ULK4: variants seen among roughly 807,000 people sequenced by gnomAD.
The protein encoded by ULK4 is unc-51 like kinase 4, also known as inactive serine/threonine-protein kinase ULK4.
A neutral mutation model predicts 160.6 loss-of-function variants in ULK4; 133 were observed. The ratio of observed to expected loss-of-function variants is 0.83; its 90% CI spans 0.72 to 0.96. The LOEUF is 0.96. ULK4 is among the 40% of genes least tolerant of loss of function. The pLI is 0.00. For missense variants in ULK4, 1,580 were observed against 1,499.5 expected, an observed-to-expected ratio of 1.05 and a Z score of -0.89; for synonymous variants, 534 against 539.8, an observed-to-expected ratio of 0.99 and a Z score of 0.15.
chr3:41,284,361 T>A (rs2079419767), intron 35 of ULK4, among the ~76,000 whole-genome samples: 1 of 152,064 alleles, frequency 6.6e-6, no homozygotes, highest in Non-Finnish European at 1.5e-5. Flanking sequence ...AAGGCCATAG[T>A]CACCAAAACA....
At chr3:41,561,771 G>C (rs1456657031) in intron 32 of ULK4, among the ~76,000 whole-genome samples, 2 of 151,886 alleles carry the variant, frequency 1.3e-5, no homozygotes, top group Non-Finnish European at 2.9e-5. Context: ...TATTACTCTT[G>C]CTAGTGGTCT....
chr3:41,713,022 T>C (rs6807015), intron 25 of ULK4, among the ~76,000 whole-genome samples: 39,602 of 151,804 alleles, frequency 0.26, 6,569 homozygotes, highest in African/African-American at 0.47. Context: ...TTCACATAAT[T>C]GTTCTGTGGA....
At chr3:41,455,739 C>T in intron 33 of ULK4, 144 bp from the exon 34 acceptor site, 1 of 659,240 alleles carries the variant, frequency 1.5e-6, no homozygotes, top group Non-Finnish European at 2.6e-6. Context: ...GATGGAGGCC[C>T]CAGAAGAGAT....
At chr3:41,336,849 A>G (rs536777109) in intron 35 of ULK4, among the ~76,000 whole-genome samples, 3 of 152,310 alleles carry the variant, frequency 2.0e-5, no homozygotes, top group African/African-American at 7.2e-5. Context: ...GTGTGATTAC[A>G]GCTCATTGTC....
At chr3:41,795,426 C>T (rs570138605) in intron 20 of ULK4, among the ~76,000 whole-genome samples, 17 of 152,054 alleles carry the variant, frequency 1.1e-4, no homozygotes, top group Admixed American at 3.9e-4. Flanking sequence ...TCTACTCACA[C>T]GTAGGGCAGG....
At chr3:41,357,263 T>G (rs2081047873) in intron 35 of ULK4, among the ~76,000 whole-genome samples, 1 of 152,180 alleles carries the variant, frequency 6.6e-6, no homozygotes, top group South Asian at 2.1e-4. Flanking sequence ...GTCCCAGGTT[T>G]CCCAGTGTAG....
chr3:41,372,810 T>C (rs1482206247), intron 35 of ULK4, among the ~76,000 whole-genome samples: 1 of 152,182 alleles, frequency 6.6e-6, no homozygotes, highest in Non-Finnish European at 1.5e-5. Context: ...TAAATGTAAA[T>C]GGGCTAAATG....
chr3:41,405,788 C>T (rs1466582769), intron 34 of ULK4, among the ~76,000 whole-genome samples: 4 of 151,768 alleles, frequency 2.6e-5, no homozygotes, highest in Admixed American at 6.6e-5. Flanking sequence ...AATGTCTGTT[C>T]AAGTCTTCTG....
chr3:41,423,429 G>C (rs564525651), intron 34 of ULK4, among the ~76,000 whole-genome samples: 4 of 152,224 alleles, frequency 2.6e-5, no homozygotes, highest in Non-Finnish European at 5.9e-5. Flanking sequence ...TCCAAGACTT[G>C]CTACAATCAA....
chr3:41,281,753 C>T (rs2125695201), intron 35 of ULK4, among the ~76,000 whole-genome samples: 1 of 152,300 alleles, frequency 6.6e-6, no homozygotes, highest in African/African-American at 2.4e-5. Context: ...AACAAGGATG[C>T]CCTCTCTCAC....
At chr3:41,585,956 A>G (rs1433679051) in intron 31 of ULK4, among the ~76,000 whole-genome samples, 1 of 151,060 alleles carries the variant, frequency 6.6e-6, no homozygotes, top group African/African-American at 2.4e-5. Flanking sequence ...AACCGCAATG[A>G]TATATCAGCT....
intron 4 of ULK4, among the ~76,000 whole-genome samples, chr3:41,934,040 AAAAAAT>A (rs1310615232): frequency 1.3e-5 from 2 of 151,996 alleles, no homozygotes; most frequent in Admixed American, 6.5e-5. Context: ...TGTGTCTCAA[AAAAAAT>A]AATAATAAAA....
chr3:41,491,600 C>T (rs2084767155), intron 32 of ULK4, among the ~76,000 whole-genome samples: 1 of 151,990 alleles, frequency 6.6e-6, no homozygotes, highest in Non-Finnish European at 1.5e-5. Context: ...AAAATAAATC[C>T]TACTCCCACA....
chr3:41,309,890 CT>C (rs1280140126), intron 35 of ULK4, among the ~76,000 whole-genome samples: 1 of 137,058 alleles, frequency 7.3e-6, no homozygotes, highest in Non-Finnish European at 1.5e-5. Flanking sequence ...TAACCAATGC[CT>C]TTTAGGGAAA....
intron 12 of ULK4, among the ~76,000 whole-genome samples, chr3:41,901,273 G>A (rs1226636501): frequency 4.8e-5 from 7 of 147,228 alleles, no homozygotes; most frequent in African/African-American, 5.0e-5. Context: ...TCTGCCTCCC[G>A]GGTTCACGCC....
At chr3:41,951,144 C>CAAAAA (rs34524276) in intron 2 of ULK4, among the ~76,000 whole-genome samples, 8 of 64,636 alleles carry the variant, frequency 1.2e-4, no homozygotes, top group South Asian at 9.4e-4. Flanking sequence ...GGCTTCGTCT[C>CAAAAA]AAAAAAAAAA....
intron 35 of ULK4, among the ~76,000 whole-genome samples, chr3:41,362,929 T>C (rs373977212): frequency 1.3e-5 from 2 of 152,242 alleles, no homozygotes; most frequent in Admixed American, 6.5e-5. Flanking sequence ...CTGGCTGCAC[T>C]GTTCCTGGAA....
intron 2 of ULK4, among the ~76,000 whole-genome samples, chr3:41,943,722 G>A (rs1700032639): frequency 6.6e-6 from 1 of 151,994 alleles, no homozygotes; most frequent in Non-Finnish European, 1.5e-5. Flanking sequence ...CTTGCATCTT[G>A]TACCATACCC....
intron 30 of ULK4, among the ~76,000 whole-genome samples, chr3:41,633,071 T>C (rs1008210354): frequency 1.3e-5 from 2 of 152,286 alleles, no homozygotes; most frequent in African/African-American, 4.8e-5. Flanking sequence ...GCAAGTTTAT[T>C]ACATAAGTGG....
Sources: allele counts gnomAD v4.1 joint callset (sites outside exome capture counted in the v4.1 genomes callset), GRCh38; gene constraint gnomAD v4.1.1; transcripts MANE v1.5; gene names NCBI Gene and HGNC (gene_info 2026-07-23, HGNC 2026-07-21).